The following NCALD variants were observed in gnomAD, a reference collection of about 807,000 sequenced individuals.
NCALD encodes the protein neurocalcin-delta.
NCALD carries 10 observed loss-of-function variants against 18.6 expected under a neutral mutation model. The ratio of observed to expected loss-of-function variants is 0.54; its 90% confidence interval spans 0.33 to 0.91. The LOEUF (loss-of-function observed/expected upper bound fraction) is 0.91. Among genes scored for constraint, NCALD ranks in the 40% least tolerant of loss-of-function variants. The pLI is 0.03. For missense variants in NCALD, 184 were observed against 247.6 expected (o/e 0.74, Z 1.72); for synonymous variants, 88 against 87.4 (o/e 1.01, Z -0.04).
intron 3 of NCALD, among the ~76,000 whole-genome samples, chr8:101,903,417 G>A (rs1010484815): frequency 2.0e-5 from 3 of 151,984 alleles, no homozygotes; most frequent in Admixed American, 6.6e-5. Flanking sequence ...GGATGGTCTC[G>A]ATGTCTTGAT....
intron 4 of NCALD, among the ~76,000 whole-genome samples, chr8:101,851,793 G>C (rs1815102717): frequency 6.6e-6 from 1 of 152,052 alleles, no homozygotes; most frequent in African/African-American, 2.4e-5. Context: ...CATGAAGCTG[G>C]GGTATTGATT....
intron 2 of NCALD, among the ~76,000 whole-genome samples, chr8:101,995,667 T>C (rs1041748544): frequency 4.6e-5 from 7 of 152,188 alleles, no homozygotes; most frequent in African/African-American, 1.7e-4. Flanking sequence ...TTCACCCCCA[T>C]GATCCAAACA....
intron 1 of NCALD, among the ~76,000 whole-genome samples, chr8:102,099,233 A>C (rs6992873): frequency 0.24 from 36,372 of 152,122 alleles, 4,643 homozygotes; most frequent in African/African-American, 0.28. Context: ...TGAGTAGTAA[A>C]AATGGCCTCC....
At chr8:102,038,752 T>G (rs897208977) in intron 1 of NCALD, among the ~76,000 whole-genome samples, 8 of 152,290 alleles carry the variant, frequency 5.3e-5, no homozygotes, top group African/African-American at 1.9e-4. Flanking sequence ...AATGGCCCTC[T>G]GAGGTACACA....
chr8:102,105,105 G>A (rs762527214), intron 1 of NCALD, among the ~76,000 whole-genome samples: 3 of 152,094 alleles, frequency 2.0e-5, no homozygotes, highest in African/African-American at 4.8e-5. Flanking sequence ...ACCTTGATAC[G>A]GGCCAGCCTT....
chr8:101,743,494 G>A (rs2130715441), intron 1 of NCALD, among the ~76,000 whole-genome samples: 1 of 152,310 alleles, frequency 6.6e-6, no homozygotes, highest in South Asian at 2.1e-4. Flanking sequence ...GAATTGTTGG[G>A]TTTTGCCTTT....
chr8:101,735,073 GAA>G (rs1554617487), intron 1 of NCALD, among the ~76,000 whole-genome samples: 1 of 152,182 alleles, frequency 6.6e-6, no homozygotes, highest in Non-Finnish European at 1.5e-5. Flanking sequence ...AAGGAAGGGA[GAA>G]AAGGTAGATG....
intron 1 of NCALD, among the ~76,000 whole-genome samples, chr8:102,059,860 C>T (rs976718872): frequency 4.6e-5 from 7 of 152,208 alleles, no homozygotes; most frequent in Non-Finnish European, 1.5e-5. Flanking sequence ...ACTTTGCAGG[C>T]ATCAGGATCC....
chr8:101,921,700 T>C (rs1165023297), intron 2 of NCALD, among the ~76,000 whole-genome samples: 2 of 152,214 alleles, frequency 1.3e-5, no homozygotes, highest in Non-Finnish European at 2.9e-5. Context: ...ATTATAGCTA[T>C]TAATTTATTT....
At chr8:101,696,015 A>G (rs983513780) in intron 2 of NCALD, among the ~76,000 whole-genome samples, 25 of 152,038 alleles carry the variant, frequency 1.6e-4, no homozygotes, top group Middle Eastern at 3.4e-3. Flanking sequence ...ACATAATTAA[A>G]CATATTCATG....
chr8:101,999,607 C>A (rs1239146448), intron 2 of NCALD, among the ~76,000 whole-genome samples: 1 of 152,022 alleles, frequency 6.6e-6, no homozygotes, highest in Non-Finnish European at 1.5e-5. Context: ...TCTCAGAAAT[C>A]ACCACGAAAG....
intron 2 of NCALD, among the ~76,000 whole-genome samples, chr8:101,999,608 A>G (rs970781203): frequency 3.3e-5 from 5 of 152,080 alleles, no homozygotes; most frequent in Non-Finnish European, 7.4e-5. Flanking sequence ...CTCAGAAATC[A>G]CCACGAAAGA....
rs201746126 is a variant in NCALD, at chr8:101,962,014, C to A, written c.-156-46156G>T. 4.6e-5 allele frequency among the ~76,000 whole-genome samples: 7 copies of A among 152,230 alleles called. No homozygotes were observed. In the East Asian group the frequency reaches 9.7e-4, roughly 21 times the overall value. ...TGAAAATCTACAGTCCAAGAGACAT[C>A]AGTTTATCTCAAAAGAGAGAGTTCC... On this transcript the variant is annotated intron_variant, in intron 2 of 6. Coordinates refer to the NCALD transcript ENST00000311028.
chr8:101,927,901 AT>A (rs751977921), intron 2 of NCALD, among the ~76,000 whole-genome samples: 2 of 152,188 alleles, frequency 1.3e-5, no homozygotes, highest in Non-Finnish European at 2.9e-5. Context: ...CTGTTCTCCT[AT>A]TACTCTCAGG....
rs1375017029 is a variant in NCALD at position 101,953,009 on chromosome 8, G to T, written c.-156-37151C>A. Among the ~76,000 whole-genome samples, 6 of 151,890 alleles carry T rather than the reference G, an allele frequency of 4.0e-5. No homozygotes were observed. In the East Asian group the frequency reaches 1.2e-3, roughly 29 times the overall value. On this transcript the variant is annotated intron_variant, in intron 2 of 6. Coordinates refer to the NCALD transcript ENST00000311028. ...CCTTCATCCCCACGGGTTTTGAGGA[G>T]TTTGGGTGGCTGCACATCCTAGATC...
At chr8:101,801,098 AAAAG>A (rs1473302755) in intron 4 of NCALD, among the ~76,000 whole-genome samples, 2 of 151,706 alleles carry the variant, frequency 1.3e-5, no homozygotes, top group Non-Finnish European at 2.9e-5. Context: ...GGAAGGAGGA[AAAAG>A]AAAGAGAAAG....
chr8:102,016,950 G>C (rs981670932), intron 2 of NCALD, among the ~76,000 whole-genome samples: 1 of 152,130 alleles, frequency 6.6e-6, no homozygotes, highest in Non-Finnish European at 1.5e-5. Flanking sequence ...TATGTTAAAG[G>C]CTCTCATGGA....
chr8:101,850,760 T>G (rs948106691), intron 4 of NCALD, among the ~76,000 whole-genome samples: 1 of 152,166 alleles, frequency 6.6e-6, no homozygotes, highest in Non-Finnish European at 1.5e-5. Context: ...CTCTTCTGAT[T>G]TTTTTTAAGT....
intron 1 of NCALD, among the ~76,000 whole-genome samples, chr8:102,052,731 T>A (rs546964691): frequency 6.6e-6 from 1 of 152,342 alleles, no homozygotes; most frequent in African/African-American, 2.4e-5. Context: ...GTAAATATTT[T>A]AGGCTTTGCA....
Sources: allele counts gnomAD v4.1 joint callset (sites outside exome capture counted in the v4.1 genomes callset), GRCh38; gene constraint gnomAD v4.1.1; transcripts MANE v1.5; gene names NCBI Gene and HGNC (gene_info 2026-07-23, HGNC 2026-07-21).